The following PHLPP1 variants were observed in gnomAD, a reference collection of about 807,000 sequenced individuals.
PHLPP1 encodes the protein PH domain leucine-rich repeat-containing protein phosphatase 1.
Under a neutral mutation model 117.2 loss-of-function variants are expected in PHLPP1, and 42 were observed. The observed-to-expected ratio is 0.36, with a 90% confidence interval of 0.28 to 0.46. The LOEUF (loss-of-function observed/expected upper bound fraction) is 0.46, where lower values mean the gene tolerates loss of function less well. Ranked by LOEUF, PHLPP1 falls within the 20% of genes least tolerant of loss-of-function variation. PHLPP1 has a pLI of 1.00. For missense variants in PHLPP1, 2,084 were observed against 2,241.9 expected, an observed-to-expected ratio of 0.93 and a Z score of 1.42; for synonymous variants, 1,042 against 970.7, an observed-to-expected ratio of 1.07 and a Z score of -1.37.
chr18:62,864,830 A>G (rs1915731480), intron 4 of PHLPP1, among the ~76,000 whole-genome samples: 2 of 152,192 alleles, frequency 1.3e-5, no homozygotes, highest in Non-Finnish European at 2.9e-5. Flanking sequence ...GTTGGTTCAC[A>G]GGAATAAGTA....
intron 3 of PHLPP1, among the ~76,000 whole-genome samples, chr18:62,844,930 T>C (rs1915143204): frequency 6.6e-6 from 1 of 152,218 alleles, no homozygotes; most frequent in African/African-American, 2.4e-5. Context: ...CATTTCTAAG[T>C]TCAGCATTTT....
chr18:62,972,392 A>G (rs1911076121), intron 14 of PHLPP1, 122 bp from the exon 15 acceptor site: 1 of 809,758 alleles, frequency 1.2e-6, no homozygotes, highest in Non-Finnish European at 1.9e-6. Context: ...CCTGCCCTTA[A>G]TCTGTCTGGA....
chr18:62,934,499 A>T (rs1163357726), intron 10 of PHLPP1, among the ~76,000 whole-genome samples: 1 of 152,204 alleles, frequency 6.6e-6, no homozygotes, highest in Non-Finnish European at 1.5e-5. Flanking sequence ...TTATTTCTTA[A>T]TACATGGGGG....
intron 1 of PHLPP1, among the ~76,000 whole-genome samples, chr18:62,721,137 T>A (rs1391398948): frequency 6.6e-6 from 1 of 152,164 alleles, no homozygotes; most frequent in African/African-American, 2.4e-5. Context: ...ATCCTCTAGT[T>A]CAAAGTGGTA....
intron 13 of PHLPP1, among the ~76,000 whole-genome samples, chr18:62,959,576 T>G (rs924362874): frequency 3.9e-4 from 59 of 152,330 alleles, no homozygotes; most frequent in Middle Eastern, 3.4e-3. Context: ...CAGAATTTTT[T>G]GGGGTATATC....
At chr18:62,916,337 C>A (rs926316796) in intron 9 of PHLPP1, among the ~76,000 whole-genome samples, 4 of 150,574 alleles carry the variant, frequency 2.7e-5, no homozygotes, top group African/African-American at 9.8e-5. Context: ...TTTACTTGTT[C>A]TTTTATTCTT....
At chr18:62,736,500 G>T (rs1341385014) in intron 1 of PHLPP1, among the ~76,000 whole-genome samples, 1 of 152,194 alleles carries the variant, frequency 6.6e-6, no homozygotes, top group African/African-American at 2.4e-5. Context: ...CAAGTTTACA[G>T]TTGGGTGATG....
At chr18:62,928,671 G>T (rs1245985350) in intron 10 of PHLPP1, among the ~76,000 whole-genome samples, 1 of 152,146 alleles carries the variant, frequency 6.6e-6, no homozygotes, top group Non-Finnish European at 1.5e-5. Flanking sequence ...CAAGAGAAAT[G>T]AAAGCATATA....
intron 1 of PHLPP1, among the ~76,000 whole-genome samples, chr18:62,749,310 G>A (rs1425560631): frequency 2.6e-5 from 4 of 151,234 alleles, no homozygotes; most frequent in Non-Finnish European, 5.9e-5. Flanking sequence ...GGGGAAAAAA[G>A]ACTCTTAAAA....
rs188563160 is a variant in PHLPP1 at position 62,879,697 on chromosome 18, T to C, written c.2067-15314T>C. Reference sequence around the variant, plus strand: ...TACTGGGATTACAGGCGTGAGCCACTGTGCCCAGCTGGTATTCTGTTATAG... The same window carrying C: ...TACTGGGATTACAGGCGTGAGCCACCGTGCCCAGCTGGTATTCTGTTATAG... On this transcript the variant is annotated intron_variant, in intron 4 of 16. Transcript: ENST00000262719. Among the ~76,000 whole-genome samples the C allele has an allele frequency of 1.8e-4, 27 of 152,294 alleles. No individual in the cohort carries two copies. In the East Asian group the frequency reaches 2.5e-3, roughly 14 times the overall value.
At chr18:62,888,464 G>T (rs1916339777) in intron 4 of PHLPP1, among the ~76,000 whole-genome samples, 1 of 152,074 alleles carries the variant, frequency 6.6e-6, no homozygotes, top group Admixed American at 6.6e-5. Context: ...ACTTTGGGAG[G>T]CTGAGGCAGG....
chr18:62,947,099 C>A (rs1275152626), intron 12 of PHLPP1, among the ~76,000 whole-genome samples: 1 of 152,232 alleles, frequency 6.6e-6, no homozygotes, highest in Non-Finnish European at 1.5e-5. Flanking sequence ...AGAATTTTTA[C>A]TTTCTGTATA....
At chr18:62,751,245 G>A (rs1911844804) in intron 1 of PHLPP1, among the ~76,000 whole-genome samples, 1 of 152,198 alleles carries the variant, frequency 6.6e-6, no homozygotes, top group Non-Finnish European at 1.5e-5. Context: ...AAAAATAAAT[G>A]TGAAGCATAT....
At chr18:62,792,868 C>CAAA (rs71160870) in intron 1 of PHLPP1, among the ~76,000 whole-genome samples, 28 of 56,816 alleles carry the variant, frequency 4.9e-4, no homozygotes, top group African/African-American at 1.9e-3. Flanking sequence ...GCCTCTGTCT[C>CAAA]AAAAAAAAAA....
Position 62,715,558 on chromosome 18 carries a change from G to A in PHLPP1, c.-126G>A. 2.0e-6 allele frequency: 1 copy of A among 492,696 alleles called. No homozygotes were observed. The highest frequency in any genetic ancestry group is 3.2e-6 in the Non-Finnish European group (1 of 312,284). The allele number at this position is 492,696 out of a possible 1,614,324, so 30.5% of individuals were successfully genotyped here. A position where few individuals can be genotyped will look rare whatever the true frequency, so the allele number is the denominator to read the frequency against. On this transcript the variant is annotated 5_prime_UTR_variant, in exon 1 of 17. Coordinates refer to ENST00000262719, the MANE Select transcript of PHLPP1 (RefSeq NM_194449.4). ...AATCGCCACATAATCCCCTGGAACG[G>A]CCGCGCACAACGCCATTGGCTTCTC... is the stretch of plus-strand genomic sequence containing the variant.
chr18:62,776,588 C>T (rs1436188584), intron 1 of PHLPP1, among the ~76,000 whole-genome samples: 1 of 151,138 alleles, frequency 6.6e-6, no homozygotes, highest in African/African-American at 2.4e-5. Flanking sequence ...TTCAGTAGTT[C>T]ATTCCTTTTT....
rs567697441 is a variant in PHLPP1 at position 62,810,139 on chromosome 18, T to G, written c.1577-19896T>G. On this transcript the variant is annotated intron_variant, in intron 1 of 16. Coordinates refer to ENST00000262719, the MANE Select transcript of PHLPP1 (RefSeq NM_194449.4). ...CTACTCATACACTGATGATTGGACCTTAGTCAAGAAATTGCCCTACTACAG... is the reference window on the plus strand; with the variant it reads ...CTACTCATACACTGATGATTGGACCGTAGTCAAGAAATTGCCCTACTACAG... Among the ~76,000 whole-genome samples the G allele has an allele frequency of 1.8e-4, 27 of 152,348 alleles. No individual in the cohort carries two copies. The South Asian group carries it at 5.6e-3, about 32-fold the overall frequency.
chr18:62,715,765 G>T lies in PHLPP1; in HGVS notation c.82G>T (p.Ala28Ser). 8 of 1,052,592 alleles carry T rather than the reference G, an allele frequency of 7.6e-6. No homozygotes were observed. The highest frequency in any genetic ancestry group is 4.5e-5 in the South Asian group (1 of 22,322). 65.2% of individuals were successfully genotyped at this position (1,052,592 alleles called of 1,614,324 possible). Reference sequence around the variant, plus strand: ...CCGAGCTTCGGCTCCGGCGGCCGCCGCTGCGGCAGCAGCAGCAGCAGCGGC... The same window carrying T: ...CCGAGCTTCGGCTCCGGCGGCCGCCTCTGCGGCAGCAGCAGCAGCAGCGGC... Reference protein sequence around the residue: ...EDRASAPAAAAAAAAAAAAAA... With the variant: ...EDRASAPAAASAAAAAAAAAA... Residue 28 changes from alanine (A) to serine (S), a missense_variant, in exon 1 of 17, where the codon GCT becomes TCT. Coordinates refer to ENST00000262719, the MANE Select transcript of PHLPP1 (RefSeq NM_194449.4).
chr18:62,971,520 C>T (rs1023523762), intron 14 of PHLPP1, among the ~76,000 whole-genome samples: 8 of 152,100 alleles, frequency 5.3e-5, no homozygotes, highest in African/African-American at 1.9e-4. Context: ...TCCTCCAGTG[C>T]ACTGACTGTG....
Sources: allele counts gnomAD v4.1 joint callset (sites outside exome capture counted in the v4.1 genomes callset), GRCh38; gene constraint gnomAD v4.1.1; transcripts MANE v1.5; gene names NCBI Gene and HGNC (gene_info 2026-07-23, HGNC 2026-07-21).